The following ELAPOR2 variants were observed in gnomAD, a reference collection of about 807,000 sequenced individuals.
ELAPOR2 encodes endosome/lysosome-associated apoptosis and autophagy regulator family member 2.
ELAPOR2 carries 89 observed loss-of-function variants against 120.7 expected under a neutral mutation model. The ratio of observed to expected loss-of-function variants is 0.74; its 90% confidence interval spans 0.62 to 0.88. ELAPOR2 has a LOEUF of 0.88. Among genes scored for constraint, ELAPOR2 ranks in the 40% least tolerant of loss-of-function variants. ELAPOR2 has a pLI of 0.00. For missense variants in ELAPOR2, 1,134 were observed against 1,251.6 expected (o/e 0.91, Z 1.42); for synonymous variants, 444 against 444.9 (o/e 1.00, Z 0.03).
chr7:87,024,190 G>A (rs1794163273), intron 1 of ELAPOR2, among the ~76,000 whole-genome samples: 1 of 152,112 alleles, frequency 6.6e-6, no homozygotes, highest in South Asian at 2.1e-4. Flanking sequence ...GTATGATATT[G>A]GCTGTGAGTT....
rs757899800 is a variant in ELAPOR2 at position 86,913,181 on chromosome 7, C to G, written c.1755G>C (p.Met585Ile). ...TGGCTGTGATAGAATAAATCTTCAC[C>G]ATGTCATTGATGAACCGTCTATTCT... ...GQDNRRFIND[M>I]VKIYSITATN... The change falls in exon 14 of 22, where the codon ATG becomes ATC. Residue 585 changes from methionine (M) to isoleucine (I), a missense_variant. This residue lies in a region of ELAPOR2 where 831 missense variants were observed against 867.6 expected (regional missense o/e 0.96). Transcript: ENST00000450689. 3 of 1,613,760 alleles carry G rather than the reference C, an allele frequency of 1.9e-6. No individual in the cohort carries two copies. The highest frequency in any genetic ancestry group is 1.3e-5 in the African/African-American group (1 of 74,888).
chr7:86,894,625 A>C (rs928685026), intron 19 of ELAPOR2, among the ~76,000 whole-genome samples: 6 of 152,062 alleles, frequency 3.9e-5, no homozygotes, highest in Non-Finnish European at 8.8e-5. Context: ...ATGGAAAAAA[A>C]TCAAGCTATT....
At chr7:86,955,920 T>A in intron 2 of ELAPOR2, among the ~76,000 whole-genome samples, 2 of 124,168 alleles carry the variant, frequency 1.6e-5, no homozygotes, top group Non-Finnish European at 3.4e-5. Flanking sequence ...TGTCTTCAAG[T>A]GAAAAATAAT....
intron 2 of ELAPOR2, among the ~76,000 whole-genome samples, chr7:86,961,116 A>G (rs923280201): frequency 6.6e-6 from 1 of 152,190 alleles, no homozygotes; most frequent in African/African-American, 2.4e-5. Flanking sequence ...ATACACTTCT[A>G]TATACATCTA....
In ELAPOR2 at chr7:86,907,766, G is replaced by A. The variant is rs1789093485; in HGVS notation, c.2462C>T (p.Ser821Phe). Residue 821 changes from serine (S) to phenylalanine (F), a missense_variant, in exon 18 of 22, where the codon TCT (serine) becomes TTT (phenylalanine). By Grantham distance (155) the Ser-to-Phe change is radical (BLOSUM62 -2). Around this residue, in one of 3 missense-constraint regions of ELAPOR2, gnomAD observed 831 missense variants for 867.6 expected, o/e 0.96. Coordinates refer to ENST00000450689, the MANE Select transcript of ELAPOR2 (RefSeq NM_001142749.3). The part of the protein sequence containing the change: ...IPDVHFFYKS[S>F]TATTSCINGR... The stretch of plus-strand genomic sequence containing the variant: ...ATTAATACAAGATGTTGTTGCTGTA[G>A]AAGACCTATTGTAAGCCAAATAACA... 1.9e-6 allele frequency: 3 copies of A among 1,552,244 alleles called. No individual in the cohort carries two copies. Among genetic ancestry groups the A allele is most frequent in the Admixed American group, 2.2e-5 (1 of 45,404 alleles).
At chr7:86,921,172 T>C (rs1356186645) in intron 10 of ELAPOR2, among the ~76,000 whole-genome samples, 1 of 152,108 alleles carries the variant, frequency 6.6e-6, no homozygotes, top group Admixed American at 6.6e-5. Context: ...TTGTTATGCA[T>C]TGACTATGTC....
intron 1 of ELAPOR2, among the ~76,000 whole-genome samples, chr7:87,028,504 C>A (rs1031925736): frequency 2.6e-5 from 4 of 152,102 alleles, no homozygotes; most frequent in Admixed American, 2.0e-4. Flanking sequence ...AAAAGCCTAT[C>A]ATTTCTTCCA....
chr7:86,891,677 C>A, intron 21 of ELAPOR2, 47 bp downstream of exon 21: 3 of 1,539,334 alleles, frequency 1.9e-6, no homozygotes, highest in South Asian at 2.5e-5. Context: ...AATATGCCCT[C>A]TACTTTATAA....
chr7:87,043,710 G>A lies in ELAPOR2; in HGVS notation c.189+15615C>T, dbSNP rs1397629462. Among the ~76,000 whole-genome samples, 6 of 149,604 alleles carry A rather than the reference G, an allele frequency of 4.0e-5. No homozygotes were observed. The Admixed American group carries it at 4.1e-4, about 10-fold the overall frequency. On this transcript the variant is annotated intron_variant, in intron 1 of 21. Transcript: ENST00000450689. ...CCTTTGAAAACTGGCACAAGACAGG[G>A]ATGCCCTCTCTCCACTCCTATTCAA... is the stretch of plus-strand genomic sequence containing the variant.
chr7:87,058,901 A>AG (rs1491321232), intron 1 of ELAPOR2, among the ~76,000 whole-genome samples: 2 of 152,048 alleles, frequency 1.3e-5, no homozygotes, highest in African/African-American at 2.4e-5. Context: ...GAGTGGAGAC[A>AG]GGGGGAGGAG....
At chr7:87,011,221 T>TCGCGCCACTGCACTCCA (rs56074608) in intron 1 of ELAPOR2, among the ~76,000 whole-genome samples, 53,423 of 137,896 alleles carry the variant, frequency 0.39, 10,779 homozygotes, top group African/African-American at 0.55. Flanking sequence ...TGAGCCAAGA[T>TCGCGCCACTGCACTCCA]GCATGGCGAC....
intron 15 of ELAPOR2, among the ~76,000 whole-genome samples, chr7:86,910,934 T>C (rs1044960277): frequency 1.3e-5 from 2 of 152,018 alleles, no homozygotes; most frequent in Non-Finnish European, 2.9e-5. Flanking sequence ...TTTTTTTTAC[T>C]AGGCTTAAAT....
chr7:87,013,197 G>C (rs906335566), intron 1 of ELAPOR2, among the ~76,000 whole-genome samples: 1 of 152,222 alleles, frequency 6.6e-6, no homozygotes, highest in South Asian at 2.1e-4. Context: ...TTCAATAGAA[G>C]AGAATGAAGC....
chr7:86,922,234 T>C (rs565162243), intron 10 of ELAPOR2, among the ~76,000 whole-genome samples: 56 of 152,124 alleles, frequency 3.7e-4, no homozygotes, highest in African/African-American at 1.2e-3. Context: ...TATTATAATT[T>C]TTATACATTC....
In ELAPOR2 at chr7:86,912,970, G is replaced by A. The variant is rs1157429185; in HGVS notation, c.1966C>T (p.Pro656Ser). The change falls in exon 14 of 22, where the codon CCA becomes TCA. Residue 656 changes from proline (P) to serine (S), a missense_variant. Physicochemically the swap from Pro to Ser is moderately conservative, Grantham distance 74 (BLOSUM62 -1). Transcript: ENST00000450689. ...HQVYGKEACIPCGPGSKNNQD... is the reference protein window; with the variant it reads ...HQVYGKEACISCGPGSKNNQD... Reference sequence around the variant, plus strand: ...TTGTTTTTACTCCCAGGCCCGCATGGAATACAAGCCTCTTTGCCATAGACC... The same window carrying A: ...TTGTTTTTACTCCCAGGCCCGCATGAAATACAAGCCTCTTTGCCATAGACC... The A allele has an allele frequency of 6.2e-7, 1 of 1,613,974 alleles. No homozygotes were observed. Among genetic ancestry groups the A allele is most frequent in the Non-Finnish European group, 8.5e-7 (1 of 1,179,942 alleles).
At chr7:87,029,480 A>G (rs1189828636) in intron 1 of ELAPOR2, among the ~76,000 whole-genome samples, 1 of 152,210 alleles carries the variant, frequency 6.6e-6, no homozygotes, top group Non-Finnish European at 1.5e-5. Context: ...AGTTCCTTAA[A>G]GAAAGGATTG....
chr7:87,010,595 G>T (rs1304605689), intron 1 of ELAPOR2, among the ~76,000 whole-genome samples: 1 of 152,170 alleles, frequency 6.6e-6, no homozygotes, highest in Non-Finnish European at 1.5e-5. Flanking sequence ...ACAGAGAAGA[G>T]CCTTGTTCTG....
intron 1 of ELAPOR2, among the ~76,000 whole-genome samples, chr7:86,970,647 T>C (rs1792077560): frequency 6.6e-6 from 1 of 152,178 alleles, no homozygotes; most frequent in African/African-American, 2.4e-5. Flanking sequence ...AATGCAGAAA[T>C]ACATGCAACT....
At chr7:86,952,127 C>G (rs1791279945) in intron 2 of ELAPOR2, among the ~76,000 whole-genome samples, 1 of 152,172 alleles carries the variant, frequency 6.6e-6, no homozygotes, top group East Asian at 1.9e-4. Context: ...ACTCAGATAT[C>G]TCACCACTCT....
Sources: allele counts gnomAD v4.1 joint callset (sites outside exome capture counted in the v4.1 genomes callset), GRCh38; gene constraint gnomAD v4.1.1; regional missense constraint gnomAD v4.1.1; transcripts MANE v1.5; gene names NCBI Gene and HGNC (gene_info 2026-07-23, HGNC 2026-07-21).